The following PPARG variants were observed in gnomAD, a reference collection of about 807,000 sequenced individuals.
PPARG encodes peroxisome proliferator-activated receptor gamma.
PPARG carries 17 observed loss-of-function variants against 39.2 expected under a neutral mutation model. That is an observed-to-expected ratio of 0.43 (90% CI 0.30 to 0.65). PPARG has a LOEUF of 0.65. Among genes scored for constraint, PPARG ranks in the 30% least tolerant of loss-of-function variants. The pLI is 0.13. For synonymous variants in PPARG, 223 were observed against 215.7 expected (o/e 1.03, Z -0.30); for missense variants, 406 against 585.9 (o/e 0.69, Z 3.17).
chr3:12,428,196 A>C (rs1022816669), intron 7 of PPARG, among the ~76,000 whole-genome samples: 2 of 152,158 alleles, frequency 1.3e-5, no homozygotes, highest in Admixed American at 6.5e-5. Context: ...TAAACCCTCC[A>C]CTTAACAGTA....
chr3:12,309,769 TG>T, intron 1 of PPARG, among the ~76,000 whole-genome samples: 1 of 152,318 alleles, frequency 6.6e-6, no homozygotes, highest in Non-Finnish European at 1.5e-5. Flanking sequence ...CTGAGTAAAC[TG>T]CCCTTGGCCT....
At chr3:12,336,242 C>G (rs761710694) in intron 2 of PPARG, among the ~76,000 whole-genome samples, 1 of 152,168 alleles carries the variant, frequency 6.6e-6, no homozygotes, top group Non-Finnish European at 1.5e-5. Flanking sequence ...CGAACACATT[C>G]TAAACATCAC....
At chr3:12,386,653 A>G (rs1271740741) in intron 4 of PPARG, among the ~76,000 whole-genome samples, 1 of 152,172 alleles carries the variant, frequency 6.6e-6, no homozygotes, top group Non-Finnish European at 1.5e-5. Context: ...AAGAATCCTG[A>G]GATAAGATTC....
chr3:12,337,527 C>G (rs953175044), intron 2 of PPARG, among the ~76,000 whole-genome samples: 1 of 152,148 alleles, frequency 6.6e-6, no homozygotes, highest in African/African-American at 2.4e-5. Flanking sequence ...ACGAAGAGCT[C>G]AAAGAAAATC....
intron 1 of PPARG, among the ~76,000 whole-genome samples, chr3:12,302,390 G>C (rs1455287162): frequency 5.3e-5 from 8 of 152,186 alleles, no homozygotes; most frequent in African/African-American, 1.9e-4. Flanking sequence ...ATGGGTACAG[G>C]ATTTCCTTTG....
intron 2 of PPARG, among the ~76,000 whole-genome samples, chr3:12,321,370 G>C (rs2047539695): frequency 6.6e-6 from 1 of 152,164 alleles, no homozygotes; most frequent in Admixed American, 6.5e-5. Context: ...AAAAGTAATA[G>C]CAACAGCAAA....
chr3:12,356,229 T>TTTTTTTGTTTTTTG (rs949650920), intron 2 of PPARG, among the ~76,000 whole-genome samples: 205 of 152,312 alleles, frequency 1.3e-3, no homozygotes, highest in Non-Finnish European at 2.6e-3. Context: ...CAGATTGTCT[T>TTTTTTTGTTTTTTG]TTTTTTGTTT....
chr3:12,417,305 T>C, intron 7 of PPARG, 151 bp downstream of exon 7: 1 of 841,964 alleles, frequency 1.2e-6, no homozygotes, highest in Non-Finnish European at 1.9e-6. Context: ...TGCAAAACAC[T>C]GTACCAAGAA....
At chr3:12,293,542 A>T (rs757753775) in intron 1 of PPARG, among the ~76,000 whole-genome samples, 3 of 152,206 alleles carry the variant, frequency 2.0e-5, no homozygotes, top group Non-Finnish European at 4.4e-5. Context: ...AAATACCCTG[A>T]GTAGGAATGT....
chr3:12,394,612 T>G (rs908960746), intron 5 of PPARG, among the ~76,000 whole-genome samples: 1 of 152,178 alleles, frequency 6.6e-6, no homozygotes, highest in African/African-American at 2.4e-5. Flanking sequence ...TTAAGTGTCA[T>G]GACATCAGAG....
At chr3:12,300,569 G>A (rs2046901229) in intron 1 of PPARG, among the ~76,000 whole-genome samples, 1 of 150,378 alleles carries the variant, frequency 6.6e-6, no homozygotes, top group African/African-American at 2.4e-5. Context: ...ATTTATCCTG[G>A]TCCCAGCTTT....
intron 1 of PPARG, among the ~76,000 whole-genome samples, chr3:12,299,262 A>G (rs1049721791): frequency 6.6e-6 from 1 of 152,140 alleles, no homozygotes. Context: ...TGAGTTTACA[A>G]TTATTGTTAT....
At position 12,307,456 on chromosome 3, in the gene PPARG, A is replaced by T. The variant is rs1416297926; in HGVS notation, c.-82-4924A>T. On this transcript the variant is annotated intron_variant, in intron 1 of 7. Coordinates refer to ENST00000651735, the MANE Select transcript of PPARG (RefSeq NM_138711.6). ...TACAATAATCCCTTCCCCTACTCTT[A>T]AAAAAGTTGATCTTACAAGGTCAGT... Among the ~76,000 whole-genome samples the T allele has an allele frequency of 2.0e-5, 3 of 152,150 alleles. No homozygotes were observed. The East Asian group carries it at 5.8e-4, about 29-fold the overall frequency.
chr3:12,413,293 G>T (rs2050942387), intron 6 of PPARG, among the ~76,000 whole-genome samples: 1 of 152,152 alleles, frequency 6.6e-6, no homozygotes, highest in Non-Finnish European at 1.5e-5. Context: ...TGGTGAATTG[G>T]TTGCAAAGAA....
chr3:12,381,687 C>T (rs910369988), intron 4 of PPARG, among the ~76,000 whole-genome samples, 196 bp downstream of exon 4: 2 of 152,080 alleles, frequency 1.3e-5, no homozygotes, highest in Admixed American at 6.6e-5. Context: ...AAGTGATCCT[C>T]CCACCTCAGC....
intron 2 of PPARG, chr3:12,351,715 C>G (rs752081192): frequency 8.7e-6 from 13 of 1,495,228 alleles, no homozygotes; most frequent in African/African-American, 2.8e-5. Context: ...GACGTGGGGG[C>G]ATTTATGTAA....
intron 1 of PPARG, among the ~76,000 whole-genome samples, chr3:12,300,071 G>A (rs2046889395): frequency 6.6e-6 from 1 of 152,076 alleles, no homozygotes; most frequent in African/African-American, 2.4e-5. Flanking sequence ...AAAATGATAA[G>A]GAAAATCAAT....
intron 6 of PPARG, among the ~76,000 whole-genome samples, chr3:12,407,440 C>T (rs1423746510): frequency 6.6e-6 from 1 of 152,178 alleles, no homozygotes; most frequent in Non-Finnish European, 1.5e-5. Flanking sequence ...GGATTACAGG[C>T]ATGAGCCACC....
intron 2 of PPARG, among the ~76,000 whole-genome samples, chr3:12,315,092 G>A (rs1346703173): frequency 6.6e-6 from 1 of 152,120 alleles, no homozygotes; most frequent in African/African-American, 2.4e-5. Context: ...TTTTGTGTCT[G>A]GTAACCAATC....
Sources: gnomAD v4.1 joint callset for allele counts (sites outside exome capture counted in the v4.1 genomes callset) on GRCh38, gnomAD v4.1.1 for gene constraint, MANE v1.5 for transcripts, NCBI Gene and HGNC (gene_info 2026-07-23, HGNC 2026-07-21) for gene names.